GRIP1: variants seen among roughly 807,000 people sequenced by gnomAD.
The protein encoded by GRIP1 is glutamate receptor interacting protein 1.
In GRIP1, 45 loss-of-function variants were observed where a neutral mutation model predicts 129.9. That is an observed-to-expected ratio of 0.35 (90% CI 0.27 to 0.44). The LOEUF (loss-of-function observed/expected upper bound fraction) is 0.44, where lower values mean the gene tolerates loss of function less well. GRIP1 is among the 20% of genes least tolerant of loss of function. The pLI, the probability that GRIP1 is intolerant of heterozygous loss-of-function variation, is 1.00. For synonymous variants in GRIP1, 530 were observed against 520.8 expected (o/e 1.02, Z -0.24); for missense variants, 1,196 against 1,396.8 (o/e 0.86, Z 2.29).
At chr12:66,985,898 T>G (rs549422369) in intron 1 of GRIP1, among the ~76,000 whole-genome samples, 1 of 152,312 alleles carries the variant, frequency 6.6e-6, no homozygotes, top group Admixed American at 6.5e-5. Flanking sequence ...TAACAGTTAT[T>G]GATTTCATTC....
chr12:66,992,383 ATT>A (rs11292067), intron 1 of GRIP1, among the ~76,000 whole-genome samples: 12 of 151,698 alleles, frequency 7.9e-5, no homozygotes, highest in African/African-American at 2.2e-4. Context: ...GAAAAAAAAA[ATT>A]TTTTTTTAAA....
Position 67,056,809 on chromosome 12 carries a change from TTTTG to T in GRIP1, c.58+12237_58+12240del, listed in dbSNP as rs529195170. Among the ~76,000 whole-genome samples the T allele has an allele frequency of 8.5e-5, 13 of 152,066 alleles. No homozygotes were observed. In the East Asian group the frequency reaches 9.7e-4, roughly 11 times the overall value. ...GACTGAATGGTTTTGTTTTGTTTTG[TTTTG>T]TTTGTTTGTTTGTTTGAGATGGAGT... On this transcript the variant is annotated intron_variant, in intron 1 of 1. Coordinates refer to the GRIP1 transcript ENST00000643019.
At chr12:66,767,962 G>A (rs778525604) in intron 1 of GRIP1, among the ~76,000 whole-genome samples, 11 of 152,174 alleles carry the variant, frequency 7.2e-5, no homozygotes, top group Non-Finnish European at 1.0e-4. Context: ...AAGAATCAAC[G>A]CAATTCCTGT....
At chr12:67,057,218 A>G (rs1226258964) in intron 1 of GRIP1, among the ~76,000 whole-genome samples, 1 of 152,130 alleles carries the variant, frequency 6.6e-6, no homozygotes, top group African/African-American at 2.4e-5. Flanking sequence ...AATGAGGGCT[A>G]AATGAAGTCA....
chr12:66,786,900 A>G (rs1027309022), intron 1 of GRIP1, among the ~76,000 whole-genome samples: 2 of 152,124 alleles, frequency 1.3e-5, no homozygotes, highest in African/African-American at 4.8e-5. Context: ...TAATAATTCT[A>G]TTTTCTCTCT....
chr12:66,543,223 G>T (rs1488493961), intron 2 of GRIP1, among the ~76,000 whole-genome samples: 1 of 152,090 alleles, frequency 6.6e-6, no homozygotes, highest in East Asian at 1.9e-4. Context: ...GTCCTTCAAG[G>T]CAGGGCTTTT....
At chr12:66,648,989 G>A (rs1454016692) in intron 1 of GRIP1, among the ~76,000 whole-genome samples, 2 of 152,200 alleles carry the variant, frequency 1.3e-5, no homozygotes, top group Admixed American at 6.5e-5. Flanking sequence ...GTGGGAAAGT[G>A]CAAATTCATT....
intron 15 of GRIP1, among the ~76,000 whole-genome samples, chr12:66,417,195 G>C (rs929826543): frequency 6.6e-6 from 1 of 152,084 alleles, no homozygotes; most frequent in Non-Finnish European, 1.5e-5. Flanking sequence ...AAAACCATAT[G>C]ATCATTTCTA....
At chr12:66,643,291 C>A (rs1241821368) in intron 1 of GRIP1, among the ~76,000 whole-genome samples, 1 of 152,174 alleles carries the variant, frequency 6.6e-6, no homozygotes, top group Admixed American at 6.5e-5. Flanking sequence ...GACAGCTACC[C>A]AAACATGCAT....
intron 1 of GRIP1, among the ~76,000 whole-genome samples, chr12:66,942,649 T>C (rs1330904791): frequency 6.6e-6 from 1 of 152,218 alleles, no homozygotes; most frequent in African/African-American, 2.4e-5. Flanking sequence ...GCTATGATAC[T>C]GAAGACTTCA....
chr12:66,545,486 A>C (rs887718717), intron 2 of GRIP1, among the ~76,000 whole-genome samples: 5 of 152,338 alleles, frequency 3.3e-5, no homozygotes, highest in African/African-American at 1.2e-4. Flanking sequence ...TATAGAAGAG[A>C]AGGCCCCATT....
chr12:66,816,684 G>T lies in GRIP1; in HGVS notation c.59-219757C>A, dbSNP rs143199790. On this transcript the variant is annotated intron_variant, in intron 1 of 1. Coordinates refer to the GRIP1 transcript ENST00000643019. ...TAAAATATAGCCTCAAAACCTTAAA[G>T]AAGTATTAGAATTTTCAGATGACTA... 2.0e-3 allele frequency among the ~76,000 whole-genome samples: 301 copies of T among 152,126 alleles called. 3 individuals are homozygous for T. The highest frequency in any genetic ancestry group is 0.01 in the Middle Eastern group (3 of 294).
intron 1 of GRIP1, among the ~76,000 whole-genome samples, chr12:66,659,962 T>C (rs1249094992): frequency 1.3e-5 from 2 of 152,200 alleles, no homozygotes; most frequent in East Asian, 1.9e-4. Context: ...AACAAAGGGT[T>C]GTTTTTCTAT....
intron 3 of GRIP1, 59 bp downstream of exon 3, chr12:66,541,756 A>G: frequency 6.4e-7 from 1 of 1,567,176 alleles, no homozygotes; most frequent in South Asian, 1.1e-5. Flanking sequence ...TGGAGCTTTA[A>G]TTTTTGAATT....
At chr12:66,954,871 GGGA>G (rs2041814568) in intron 1 of GRIP1, among the ~76,000 whole-genome samples, 1 of 152,036 alleles carries the variant, frequency 6.6e-6, no homozygotes, top group Admixed American at 6.6e-5. Context: ...GTGCAAGGAG[GGGA>G]GGAGAAAAGA....
At chr12:66,409,681 C>T (rs2137696876) in intron 15 of GRIP1, among the ~76,000 whole-genome samples, 2 of 152,258 alleles carry the variant, frequency 1.3e-5, no homozygotes, top group East Asian at 3.9e-4. Flanking sequence ...CACGACCTCA[C>T]CAAGTGAACT....
At chr12:66,584,300 T>TA (rs1200008062) in intron 2 of GRIP1, among the ~76,000 whole-genome samples, 5 of 151,918 alleles carry the variant, frequency 3.3e-5, no homozygotes, top group Non-Finnish European at 5.9e-5. Context: ...GAGATATACC[T>TA]AATGCTAGAT....
At chr12:66,732,459 G>A (rs1430349192) in intron 1 of GRIP1, among the ~76,000 whole-genome samples, 1 of 151,934 alleles carries the variant, frequency 6.6e-6, no homozygotes, top group South Asian at 2.1e-4. Flanking sequence ...AGGCGGAGGT[G>A]GGAGGATCAT....
At position 66,820,713 on chromosome 12, in the gene GRIP1, G is replaced by C. The variant is rs147317152; in HGVS notation, c.59-223786C>G. Among the ~76,000 whole-genome samples the C allele has an allele frequency of 3.0e-4, 45 of 151,746 alleles. 1 individual carries two copies. In the East Asian group the frequency reaches 8.1e-3, roughly 27 times the overall value. ...TACCAAGCCATGAAAAGAAATGAAG[G>C]AAAATTCAATGCTATTACTAAGTGA... On this transcript the variant is annotated intron_variant, in intron 1 of 1. Coordinates refer to the GRIP1 transcript ENST00000643019.
Sources: gnomAD v4.1 joint callset for allele counts (sites outside exome capture counted in the v4.1 genomes callset) on GRCh38, gnomAD v4.1.1 for gene constraint, MANE v1.5 for transcripts, NCBI Gene and HGNC (gene_info 2026-07-23, HGNC 2026-07-21) for gene names.